CUL2: variants seen among roughly 807,000 people sequenced by gnomAD.
The protein encoded by CUL2 is cullin-2.
Under a neutral mutation model 110.2 loss-of-function variants are expected in CUL2, and 22 were observed. The ratio of observed to expected loss-of-function variants is 0.20; its 90% CI spans 0.14 to 0.28. The LOEUF (loss-of-function observed/expected upper bound fraction) is 0.28. Among genes scored for constraint, CUL2 ranks in the 10% least tolerant of loss-of-function variants. The pLI is 1.00. For synonymous variants in CUL2, 279 were observed against 293.2 expected (o/e 0.95, Z 0.49); for missense variants, 631 against 905.5 (o/e 0.70, Z 3.89).
In CUL2 at chr10:35,031,667, T is replaced by C. The variant is rs2085483207; in HGVS notation, c.1171-48A>G. 2 of 1,601,638 alleles carry C rather than the reference T, an allele frequency of 1.2e-6. No individual in the cohort carries two copies. Among genetic ancestry groups the C allele is most frequent in the African/African-American group, 1.3e-5 (1 of 74,628 alleles). The stretch of plus-strand genomic sequence containing the variant: ...ATCTTACAAAGGGTGCTTCTGTATA[T>C]ATCACGCCTCAAAGGAGGCAAAGTG... On this transcript the variant is annotated intron_variant, in intron 12 of 20. Transcript: ENST00000374749. This position sits in a 1 kb window ranked among gnomAD's most constrained non-coding sequence, Gnocchi z 4.4.
chr10:35,019,992 A>G (rs75606358), intron 17 of CUL2, among the ~76,000 whole-genome samples: 2,098 of 152,310 alleles, frequency 0.014, 51 homozygotes, highest in African/African-American at 0.047. Context: ...AAGTGACCAA[A>G]TTTAGCATCT....
intron 17 of CUL2, among the ~76,000 whole-genome samples, chr10:35,016,654 C>T (rs2085040782): frequency 1.3e-5 from 2 of 152,166 alleles, no homozygotes; most frequent in Non-Finnish European, 2.9e-5. Context: ...AGGCCAGGCG[C>T]AGCGGCTCAC....
chr10:35,012,025 C>T (rs144406968), intron 19 of CUL2, 61 bp from the exon 20 acceptor site: 10 of 849,374 alleles, frequency 1.2e-5, no homozygotes, highest in Middle Eastern at 2.4e-4. Flanking sequence ...AACTTGTTTT[C>T]AATTCATTTT....
At chr10:35,083,951 T>C (rs1341832871) in intron 1 of CUL2, among the ~76,000 whole-genome samples, 1 of 152,186 alleles carries the variant, frequency 6.6e-6, no homozygotes. Flanking sequence ...ACTGAATTAA[T>C]AGATGTAACT....
intron 18 of CUL2, among the ~76,000 whole-genome samples, chr10:35,015,878 A>C (rs1046826357): frequency 6.6e-6 from 1 of 152,232 alleles, no homozygotes; most frequent in African/African-American, 2.4e-5. Flanking sequence ...AAACCTGGAA[A>C]GTCTTTAAAG....
chr10:35,103,834 C>T (rs1312935768), intron 1 of CUL2, among the ~76,000 whole-genome samples: 1 of 151,936 alleles, frequency 6.6e-6, no homozygotes, highest in African/African-American at 2.4e-5. Flanking sequence ...CTCTGCCTCT[C>T]ATTTATTCTT....
At chr10:35,103,832 C>T (rs544028125) in intron 1 of CUL2, among the ~76,000 whole-genome samples, 1 of 152,064 alleles carries the variant, frequency 6.6e-6, no homozygotes, top group Admixed American at 6.6e-5. Context: ...TACTCTGCCT[C>T]TCATTTATTC....
At chr10:35,022,062 A>G (rs1337345652) in intron 17 of CUL2, among the ~76,000 whole-genome samples, 1 of 143,876 alleles carries the variant, frequency 7.0e-6, no homozygotes, top group Non-Finnish European at 1.6e-5. Context: ...AAAACACCGT[A>G]CTGTAACTAT....
chr10:35,062,953 T>G lies in CUL2; in HGVS notation c.222+7A>C. 6.8e-7 allele frequency: 1 copy of G among 1,480,116 alleles called. No homozygotes were observed. The highest frequency in any genetic ancestry group is 9.4e-7 in the Non-Finnish European group (1 of 1,060,238). 91.7% of individuals were successfully genotyped at this position (1,480,116 alleles called of 1,614,324 possible). ...CATATTTATATCACGTATGTATCATTGCTTACCTTATGCAAATGCCGAACA... is the reference window on the plus strand; with the variant it reads ...CATATTTATATCACGTATGTATCATGGCTTACCTTATGCAAATGCCGAACA... On this transcript the variant is annotated splice_region_variant and intron_variant, in intron 3 of 20. Coordinates refer to ENST00000374749, the MANE Select transcript of CUL2 (RefSeq NM_003591.4).
At chr10:35,086,460 G>A (rs1207291515) in intron 1 of CUL2, among the ~76,000 whole-genome samples, 1 of 152,012 alleles carries the variant, frequency 6.6e-6, no homozygotes, top group Non-Finnish European at 1.5e-5. Context: ...GCTAATTTCT[G>A]TATTTTTTGT....
intron 11 of CUL2, among the ~76,000 whole-genome samples, 159 bp downstream of exon 11, chr10:35,033,007 A>C (rs767504387): frequency 6.6e-6 from 1 of 152,152 alleles, no homozygotes; most frequent in Admixed American, 6.5e-5. Flanking sequence ...TCAGTTAATA[A>C]TTTAAAAATT....
intron 1 of CUL2, 23 bp from the exon 2 acceptor site, chr10:35,071,362 A>G (rs1416811236): frequency 1.3e-6 from 2 of 1,583,146 alleles, no homozygotes; most frequent in African/African-American, 1.4e-5. Context: ...AAACAATAAC[A>G]ATGTTAGCAA....
intron 19 of CUL2, 72 bp downstream of exon 19, chr10:35,013,627 A>G (rs986276703): frequency 2.4e-5 from 24 of 982,348 alleles, no homozygotes; most frequent in African/African-American, 1.0e-4. Context: ...CACAATCTCA[A>G]TGTAAACACT....
intron 4 of CUL2, among the ~76,000 whole-genome samples, chr10:35,056,434 G>A (rs1262944547): frequency 6.6e-6 from 1 of 152,178 alleles, no homozygotes; most frequent in East Asian, 1.9e-4. Flanking sequence ...GATGTATGTG[G>A]TACTCCTATG....
chr10:35,088,961 A>C lies in CUL2; in HGVS notation c.-23+1218T>G, dbSNP rs1420857436. On this transcript the variant is annotated intron_variant, in intron 1 of 20. Transcript: ENST00000374749. ...GAGGCCTAAGCAGGCGAATCACCTG[A>C]GGTCAGGAGTTCAAGACCAGCCTGG... is the stretch of plus-strand genomic sequence containing the variant. Among the ~76,000 whole-genome samples, 4 of 152,358 alleles carry C rather than the reference A, an allele frequency of 2.6e-5. No homozygotes were observed. The East Asian group carries it at 5.8e-4, about 22-fold the overall frequency.
At chr10:35,049,630 C>T in intron 6 of CUL2, 53 bp downstream of exon 6, 1 of 1,459,328 alleles carries the variant, frequency 6.9e-7, no homozygotes, top group Non-Finnish European at 9.5e-7. Flanking sequence ...ATTTTAAAAC[C>T]ATATCAAACA....
chr10:35,096,296 T>C (rs921740053), intron 2 of CUL2, among the ~76,000 whole-genome samples: 5 of 151,414 alleles, frequency 3.3e-5, no homozygotes, highest in African/African-American at 9.7e-5. Context: ...AAAGTGCGAG[T>C]CTCTTTAAAG....
chr10:35,050,305 A>T (rs934215415), intron 5 of CUL2, among the ~76,000 whole-genome samples: 1 of 150,646 alleles, frequency 6.6e-6, no homozygotes, highest in African/African-American at 2.4e-5. Context: ...TGGTGACAAC[A>T]GTGCGAGACT....
At position 35,013,344 on chromosome 10, in the gene CUL2, C is replaced by CAA. The variant is rs71523352; in HGVS notation, c.1989+353_1989+354dup. On this transcript the variant is annotated intron_variant, in intron 19 of 20. Coordinates refer to ENST00000374749, the MANE Select transcript of CUL2 (RefSeq NM_003591.4). ...TGGGCGAGAGAGCAAGACTCCGTCT[C>CAA]AAAAAAAAAAAAAAAAATGAACTGG... Among the ~76,000 whole-genome samples, 69 of 83,706 alleles carry CAA rather than the reference C, an allele frequency of 8.2e-4. 1 individual carries two copies. The highest frequency in any genetic ancestry group is 1.9e-3 in the African/African-American group (39 of 20,486). The allele number at this position is 83,706 out of a possible 152,430, so 54.9% of individuals were successfully genotyped here.
Sources: gnomAD v4.1 joint callset for allele counts (sites outside exome capture counted in the v4.1 genomes callset) on GRCh38, gnomAD v4.1.1 for gene constraint, Gnocchi (gnomAD v3.1) non-coding constraint, MANE v1.5 for transcripts, NCBI Gene and HGNC (gene_info 2026-07-23, HGNC 2026-07-21) for gene names.